MTA3: variants seen among roughly 807,000 people sequenced by gnomAD.
MTA3 encodes the protein metastasis associated 1 family member 3, also known as metastasis-associated protein MTA3.
Under a neutral mutation model 83.5 loss-of-function variants are expected in MTA3, and 34 were observed. The observed-to-expected ratio is 0.41, with a 90% CI of 0.31 to 0.54. MTA3 has a LOEUF of 0.54. Among genes scored for constraint, MTA3 ranks in the 20% least tolerant of loss-of-function variants. The pLI, the probability that MTA3 is intolerant of heterozygous loss-of-function variation, is 0.33. For synonymous variants in MTA3, 303 were observed against 252.7 expected (o/e 1.20, Z -1.89); for missense variants, 761 against 726.4 (o/e 1.05, Z -0.55).
At chr2:42,587,595 C>T (rs1318880570) in intron 3 of MTA3, among the ~76,000 whole-genome samples, 1 of 150,954 alleles carries the variant, frequency 6.6e-6, no homozygotes, top group Admixed American at 6.6e-5. Flanking sequence ...TTTATTTATT[C>T]ATTTATTTGT....
intron 4 of MTA3, among the ~76,000 whole-genome samples, chr2:42,614,412 C>T (rs1016975742): frequency 2.6e-5 from 4 of 152,168 alleles, no homozygotes; most frequent in African/African-American, 9.7e-5. Flanking sequence ...GATTTTCTTA[C>T]TACAAATATT....
At chr2:42,701,894 G>A (rs1338241837) in intron 11 of MTA3, among the ~76,000 whole-genome samples, 5 of 143,406 alleles carry the variant, frequency 3.5e-5, no homozygotes, top group South Asian at 2.2e-4. Flanking sequence ...CAGCCTGGGC[G>A]AAAGAGTGAA....
chr2:42,704,152 T>C, intron 11 of MTA3, 42 bp from the exon 12 acceptor site: 1 of 1,596,176 alleles, frequency 6.3e-7, no homozygotes, highest in Non-Finnish European at 8.5e-7. Context: ...TTTGCCTTAT[T>C]GTACAAATCA....
upstream of MTA3, among the ~76,000 whole-genome samples, chr2:42,564,704 C>T (rs1677829984): frequency 6.6e-6 from 1 of 152,214 alleles, no homozygotes; most frequent in Admixed American, 6.5e-5. Context: ...AGATTAATTA[C>T]ATTTTAGACC....
intron 8 of MTA3, among the ~76,000 whole-genome samples, chr2:42,662,854 C>T (rs150110551): frequency 6.6e-6 from 1 of 151,820 alleles, no homozygotes; most frequent in African/African-American, 2.4e-5. Flanking sequence ...GCCTCAGCCT[C>T]CCGAGTAGCT....
At chr2:42,610,455 G>T (rs1342676733) in intron 4 of MTA3, among the ~76,000 whole-genome samples, 1 of 152,102 alleles carries the variant, frequency 6.6e-6, no homozygotes, top group Non-Finnish European at 1.5e-5. Flanking sequence ...GATATCTCTG[G>T]TTCTCTAACA....
At chr2:42,542,662 C>A (rs1363373316) in intron 2 of MTA3, among the ~76,000 whole-genome samples, 2 of 152,040 alleles carry the variant, frequency 1.3e-5, no homozygotes, top group African/African-American at 2.4e-5. Context: ...AGCAATCCTC[C>A]CACCTCAGCC....
intron 12 of MTA3, among the ~76,000 whole-genome samples, chr2:42,706,449 T>C (rs1432226808): frequency 1.3e-5 from 2 of 152,190 alleles, no homozygotes; most frequent in African/African-American, 4.8e-5. Context: ...AAATAATACA[T>C]GATGGGTGTA....
chr2:42,524,035 G>A (rs1251394980), intron 2 of MTA3, among the ~76,000 whole-genome samples: 1 of 152,078 alleles, frequency 6.6e-6, no homozygotes, highest in African/African-American at 2.4e-5. Flanking sequence ...CAACTAATAT[G>A]ATTGCCTCTC....
At chr2:42,550,378 C>T (rs1221465976) in intron 2 of MTA3, among the ~76,000 whole-genome samples, 2 of 152,150 alleles carry the variant, frequency 1.3e-5, no homozygotes, top group African/African-American at 4.8e-5. Context: ...TCAGCATCCA[C>T]TGGGGGTCTT....
chr2:42,560,574 A>AAAACAAAAAAC lies in MTA3; in HGVS notation c.-140-9854_-140-9844dup, dbSNP rs529239517. On this transcript the variant is annotated intron_variant, in intron 2 of 17. Transcript: ENST00000405592. ...CTTAAAAAAAAAAACAAAAAACAAC[A>AAAACAAAAAAC]AAACAAAAAACAAACAAAACACACA... Among the ~76,000 whole-genome samples the AAAACAAAAAAC allele has an allele frequency of 8.1e-3, 1,217 of 150,992 alleles. 12 individuals carry two copies. The highest frequency in any genetic ancestry group is 0.012 in the Non-Finnish European group (835 of 67,756).
chr2:42,602,153 T>C (rs1426124489), intron 3 of MTA3, among the ~76,000 whole-genome samples: 2 of 152,080 alleles, frequency 1.3e-5, no homozygotes, highest in Admixed American at 1.3e-4. Context: ...TTTTTGTATT[T>C]TTTTGTAGAG....
At chr2:42,549,622 T>A (rs1472047389) in intron 2 of MTA3, among the ~76,000 whole-genome samples, 2 of 119,798 alleles carry the variant, frequency 1.7e-5, no homozygotes, top group Non-Finnish European at 3.2e-5. Flanking sequence ...TATAATATAT[T>A]ATATACATAT....
At chr2:42,714,803 C>T (rs1159251915) in intron 14 of MTA3, among the ~76,000 whole-genome samples, 1 of 152,168 alleles carries the variant, frequency 6.6e-6, no homozygotes, top group Non-Finnish European at 1.5e-5. Context: ...AAGGAGCAGG[C>T]AATCTAGATC....
chr2:42,688,414 T>A (rs1341034963), intron 9 of MTA3, among the ~76,000 whole-genome samples: 1 of 152,244 alleles, frequency 6.6e-6, no homozygotes, highest in African/African-American at 2.4e-5. Flanking sequence ...AAAGCCATTA[T>A]AATAGGTTTG....
chr2:42,637,103 A>G (rs538576588), intron 4 of MTA3, among the ~76,000 whole-genome samples: 1 of 152,288 alleles, frequency 6.6e-6, no homozygotes, highest in South Asian at 2.1e-4. Context: ...TGTCGTAATT[A>G]TTTATTCACA....
rs1156527616 is a variant in MTA3 at position 42,756,216 on chromosome 2, G to A, written c.*2817G>A. On this transcript the variant is annotated 3_prime_UTR_variant, in exon 17 of 17. Transcript: ENST00000405094. ...CAGAGCCTGGGGCCAAGGCCACTGGGGGACCTGCCACACTGTGGACCTGTC... is the reference window on the plus strand; with the variant it reads ...CAGAGCCTGGGGCCAAGGCCACTGGAGGACCTGCCACACTGTGGACCTGTC... The A allele has an allele frequency of 4.9e-6, 1 of 204,404 alleles. No homozygotes were observed. Among genetic ancestry groups the A allele is most frequent in the Non-Finnish European group, 8.6e-6 (1 of 115,902 alleles). The allele number at this position is 204,404 out of a possible 1,614,324, so 12.7% of individuals were successfully genotyped here.
At chr2:42,731,631 A>G (rs1668235923) in intron 16 of MTA3, among the ~76,000 whole-genome samples, 1 of 152,146 alleles carries the variant, frequency 6.6e-6, no homozygotes, top group Admixed American at 6.5e-5. Context: ...TGGGAGATAC[A>G]ATTCAAGTTG....
chr2:42,615,252 G>T lies in MTA3; in HGVS notation c.317+5668G>T, dbSNP rs867334519. Among the ~76,000 whole-genome samples, 51 of 147,454 alleles carry T rather than the reference G, an allele frequency of 3.5e-4. 3 individuals are homozygous for T. The South Asian group carries it at 0.011, about 30-fold the overall frequency. On this transcript the variant is annotated intron_variant, in intron 4 of 16. Coordinates refer to ENST00000405094, the MANE Select transcript of MTA3 (RefSeq NM_001330442.2). ...TAAGGTTCTTGAAGATCTATTGTCTGTTTTTTTCTTTTTTTTTTTTTTAAT... is the reference window on the plus strand; with the variant it reads ...TAAGGTTCTTGAAGATCTATTGTCTTTTTTTTTCTTTTTTTTTTTTTTAAT...
Sources: allele counts gnomAD v4.1 joint callset (sites outside exome capture counted in the v4.1 genomes callset), GRCh38; gene constraint gnomAD v4.1.1; transcripts MANE v1.5; gene names NCBI Gene and HGNC (gene_info 2026-07-23, HGNC 2026-07-21).